CCBE1: variants seen among roughly 807,000 people sequenced by gnomAD.
CCBE1 encodes collagen and calcium-binding EGF domain-containing protein 1.
A neutral mutation model predicts 50.0 loss-of-function variants in CCBE1; 37 were observed. That is an observed-to-expected ratio of 0.74 (90% CI 0.57 to 0.97). The LOEUF is 0.97. Among genes scored for constraint, CCBE1 ranks in the 50% least tolerant of loss-of-function variants. The pLI, the probability that CCBE1 is intolerant of heterozygous loss-of-function variation, is 0.00. For missense variants in CCBE1, 538 were observed against 523.8 expected (o/e 1.03, Z -0.26); for synonymous variants, 234 against 203.7 (o/e 1.15, Z -1.27).
chr18:59,576,677 C>G (rs1599028409), intron 2 of CCBE1, among the ~76,000 whole-genome samples: 1 of 152,092 alleles, frequency 6.6e-6, no homozygotes, highest in East Asian at 1.9e-4. Context: ...GTTTCTTTAC[C>G]CAGCCATGCC....
intron 2 of CCBE1, among the ~76,000 whole-genome samples, chr18:59,551,852 T>C (rs767292236): frequency 2.0e-5 from 3 of 152,246 alleles, no homozygotes; most frequent in East Asian, 3.8e-4. Flanking sequence ...GTCTTCCTAG[T>C]GCTCAGTTTC....
intron 2 of CCBE1, among the ~76,000 whole-genome samples, chr18:59,640,984 C>T (rs2053981218): frequency 6.6e-6 from 1 of 152,060 alleles, no homozygotes; most frequent in South Asian, 2.1e-4. Flanking sequence ...ATAACTGATG[C>T]TGGTGAGGCT....
At chr18:59,565,320 G>A (rs2052806100) in intron 2 of CCBE1, among the ~76,000 whole-genome samples, 1 of 152,246 alleles carries the variant, frequency 6.6e-6, no homozygotes, top group Non-Finnish European at 1.5e-5. Flanking sequence ...TCCAACCAAT[G>A]GCACAGGACT....
In CCBE1 at chr18:59,653,003, C is replaced by A. The variant is rs2054145788; in HGVS notation, c.212+43626G>T. 2.0e-5 allele frequency among the ~76,000 whole-genome samples: 3 copies of A among 152,008 alleles called. No homozygotes were observed. The South Asian group carries it at 6.2e-4, about 31-fold the overall frequency. ...TTTTCAGTCCCAGTGTAGTTTGATG[C>A]CAGCCCCCCGTTAAAGGAACTTACT... On this transcript the variant is annotated intron_variant, in intron 2 of 10. Coordinates refer to ENST00000439986, the MANE Select transcript of CCBE1 (RefSeq NM_133459.4).
intron 3 of CCBE1, 112 bp downstream of exon 3, chr18:59,480,066 GACAGATAC>G: frequency 1.4e-6 from 1 of 734,256 alleles, no homozygotes. Context: ...AATATACACA[GACAGATAC>G]ACAGATAATC....
intron 2 of CCBE1, among the ~76,000 whole-genome samples, chr18:59,496,857 G>A (rs1467596827): frequency 1.3e-5 from 2 of 152,278 alleles, no homozygotes; most frequent in East Asian, 1.9e-4. Context: ...TTATTAACAA[G>A]TATAAAATGT....
At chr18:59,647,217 A>G (rs2054066573) in intron 2 of CCBE1, among the ~76,000 whole-genome samples, 2 of 152,242 alleles carry the variant, frequency 1.3e-5, no homozygotes, top group South Asian at 4.1e-4. Flanking sequence ...GCAACAGAAC[A>G]AATTCAGCCT....
In CCBE1 at chr18:59,436,094, G is replaced by T. The variant is rs771882668; in HGVS notation, c.1035C>A (p.Ile345=). The change falls in exon 11 of 11, where the codon ATC becomes ATA. Residue 345 remains isoleucine, a synonymous_variant. Transcript: ENST00000439986. ...CCTGCAGCTCAGTGATGTCATTGCG[G>T]ATGTCAGCCAGCATAAGTAGCAGGA... ...FDFLLLMLAD[I]RNDITELQEK... is the part of the protein sequence containing the mutation. 1 of 1,614,230 alleles carries T rather than the reference G, an allele frequency of 6.2e-7. No homozygotes were observed. Among genetic ancestry groups the T allele is most frequent in the Non-Finnish European group, 8.5e-7 (1 of 1,180,044 alleles).
chr18:59,444,562 G>C (rs999537665), intron 7 of CCBE1, among the ~76,000 whole-genome samples: 1 of 151,708 alleles, frequency 6.6e-6, no homozygotes, highest in African/African-American at 2.4e-5. Context: ...TGTCACACAG[G>C]CTGGAATGCA....
At chr18:59,445,372 A>G (rs375314287) in intron 7 of CCBE1, among the ~76,000 whole-genome samples, 2 of 152,170 alleles carry the variant, frequency 1.3e-5, no homozygotes, top group East Asian at 3.8e-4. Flanking sequence ...GCTGCTTAGT[A>G]AATGTTTTTT....
chr18:59,580,018 A>C (rs1238477779), intron 2 of CCBE1, among the ~76,000 whole-genome samples: 1 of 152,204 alleles, frequency 6.6e-6, no homozygotes, highest in East Asian at 1.9e-4. Context: ...TTCGAATAGG[A>C]TGGATCTTCT....
chr18:59,451,748 C>A (rs1411528954), intron 6 of CCBE1, among the ~76,000 whole-genome samples: 1 of 152,186 alleles, frequency 6.6e-6, no homozygotes, highest in Non-Finnish European at 1.5e-5. Flanking sequence ...AGCAAACCAC[C>A]ATGGCACACA....
chr18:59,636,999 T>G (rs890418052), intron 2 of CCBE1, among the ~76,000 whole-genome samples: 1 of 152,228 alleles, frequency 6.6e-6, no homozygotes, highest in Non-Finnish European at 1.5e-5. Flanking sequence ...AACATTCCCC[T>G]GGGTAAAATT....
At chr18:59,689,795 T>TCACATTGCA in intron 2 of CCBE1, among the ~76,000 whole-genome samples, 1 of 152,220 alleles carries the variant, frequency 6.6e-6, no homozygotes. Flanking sequence ...ACCTCCTCTT[T>TCACATTGCA]GTAATGCTTT....
At chr18:59,524,843 G>T (rs766867606) in intron 2 of CCBE1, among the ~76,000 whole-genome samples, 39 of 152,122 alleles carry the variant, frequency 2.6e-4, no homozygotes, top group Non-Finnish European at 8.8e-5. Context: ...GAGAACATGT[G>T]GTGTTTGGTT....
chr18:59,550,525 C>T (rs894863426), intron 2 of CCBE1, among the ~76,000 whole-genome samples: 1 of 152,162 alleles, frequency 6.6e-6, no homozygotes, highest in African/African-American at 2.4e-5. Flanking sequence ...CAATCTTTTC[C>T]TTCCTCAAGT....
intron 2 of CCBE1, among the ~76,000 whole-genome samples, chr18:59,506,536 A>T (rs4940464): frequency 1 from 152,336 of 152,368 alleles, 76,152 homozygotes; most frequent in Middle Eastern, 1. Flanking sequence ...CCACTTTCAG[A>T]TGAGCAAAGA....
At position 59,526,605 on chromosome 18, in the gene CCBE1, G is replaced by A. The variant is rs189940517; in HGVS notation, c.213-46367C>T. On this transcript the variant is annotated intron_variant, in intron 2 of 10. Coordinates refer to ENST00000439986, the MANE Select transcript of CCBE1 (RefSeq NM_133459.4). ...ATTACAGGTGTGAGCCACCATGCCC[G>A]GCCAATTGGAGATCTTTTTAGCCTT... 2.3e-3 allele frequency among the ~76,000 whole-genome samples: 346 copies of A among 152,190 alleles called. 1 individual carries two copies. The highest frequency in any genetic ancestry group is 0.01 in the Middle Eastern group (3 of 294).
chr18:59,515,131 G>A (rs1194583777), intron 2 of CCBE1, among the ~76,000 whole-genome samples: 3 of 152,232 alleles, frequency 2.0e-5, no homozygotes, highest in Non-Finnish European at 4.4e-5. Flanking sequence ...AGAAGGGTAG[G>A]AAGAAAGAGG....
Sources: allele counts gnomAD v4.1 joint callset (sites outside exome capture counted in the v4.1 genomes callset), GRCh38; gene constraint gnomAD v4.1.1; transcripts MANE v1.5; gene names NCBI Gene and HGNC (gene_info 2026-07-23, HGNC 2026-07-21).